UNC5D: variants seen among roughly 807,000 people sequenced by gnomAD.
UNC5D encodes the protein unc-5 netrin receptor D, also known as netrin receptor UNC5D.
Under a neutral mutation model 105.4 loss-of-function variants are expected in UNC5D, and 39 were observed. The observed-to-expected ratio is 0.37, with a 90% CI of 0.29 to 0.48. UNC5D has a LOEUF of 0.48. Among genes scored for constraint, UNC5D ranks in the 20% least tolerant of loss-of-function variants. The pLI is 0.98. For synonymous variants in UNC5D, 452 were observed against 450.4 expected (o/e 1.00, Z -0.04); for missense variants, 991 against 1,202.4 (o/e 0.82, Z 2.60).
intron 1 of UNC5D, among the ~76,000 whole-genome samples, chr8:35,484,698 T>C (rs1208974252): frequency 1.3e-5 from 2 of 152,154 alleles, no homozygotes; most frequent in African/African-American, 4.8e-5. Flanking sequence ...AAGACTCTCT[T>C]TGACTTAATA....
intron 11 of UNC5D, among the ~76,000 whole-genome samples, chr8:35,734,335 CAAAAAAAAAAAAA>C (rs10657691): frequency 1.4e-4 from 4 of 28,286 alleles, no homozygotes; most frequent in East Asian, 1.2e-3. Flanking sequence ...TAATCACTGT[CAAAAAAAAAAAAA>C]AAAAAAAAAA....
At chr8:35,682,042 G>A (rs905788058) in intron 4 of UNC5D, among the ~76,000 whole-genome samples, 3 of 152,150 alleles carry the variant, frequency 2.0e-5, no homozygotes, top group African/African-American at 7.2e-5. Context: ...TCAGCTCACT[G>A]TAACCTCTGC....
intron 16 of UNC5D, among the ~76,000 whole-genome samples, chr8:35,779,507 G>A (rs1444561911): frequency 6.6e-6 from 1 of 152,042 alleles, no homozygotes; most frequent in Non-Finnish European, 1.5e-5. Context: ...TGCCCACACT[G>A]GAGTGCAGTG....
intron 1 of UNC5D, among the ~76,000 whole-genome samples, chr8:35,527,061 G>A (rs562300113): frequency 1.5e-3 from 223 of 152,018 alleles, no homozygotes; most frequent in African/African-American, 5.1e-3. Flanking sequence ...AAAATGACAC[G>A]TATCGCTTGT....
chr8:35,400,523 A>G (rs1186743080), intron 1 of UNC5D, among the ~76,000 whole-genome samples: 6 of 152,152 alleles, frequency 3.9e-5, no homozygotes, highest in Admixed American at 3.9e-4. Flanking sequence ...TTATAGGTCT[A>G]AAAACAGATG....
intron 4 of UNC5D, among the ~76,000 whole-genome samples, chr8:35,611,091 T>C (rs1365268136): frequency 6.6e-6 from 1 of 152,106 alleles, no homozygotes; most frequent in Non-Finnish European, 1.5e-5. Context: ...TTTTGATTTC[T>C]GTTCTTCCTT....
chr8:35,453,654 A>G (rs1808308494), intron 1 of UNC5D, among the ~76,000 whole-genome samples: 2 of 152,162 alleles, frequency 1.3e-5, no homozygotes, highest in Non-Finnish European at 2.9e-5. Flanking sequence ...TTCTTCTCTA[A>G]TTGCTGTTTG....
intron 1 of UNC5D, among the ~76,000 whole-genome samples, chr8:35,397,180 A>G (rs968124706): frequency 6.6e-6 from 1 of 152,198 alleles, no homozygotes; most frequent in Admixed American, 6.5e-5. Context: ...TGCTGGGATT[A>G]CAGGTGTGAG....
chr8:35,467,589 A>AAAGAAG (rs5890814), intron 1 of UNC5D, among the ~76,000 whole-genome samples: 1 of 126,246 alleles, frequency 7.9e-6, no homozygotes, highest in African/African-American at 2.8e-5. Context: ...AAAAAAAAAA[A>AAAGAAG]AAGAAGAAAA....
At chr8:35,345,541 G>T (rs1230888919) in intron 1 of UNC5D, among the ~76,000 whole-genome samples, 1 of 151,842 alleles carries the variant, frequency 6.6e-6, no homozygotes, top group Non-Finnish European at 1.5e-5. Flanking sequence ...TTAAAAAGAG[G>T]GATTTCTTTT....
intron 1 of UNC5D, among the ~76,000 whole-genome samples, chr8:35,449,775 A>G (rs775196754): frequency 6.6e-6 from 1 of 152,072 alleles, no homozygotes; most frequent in South Asian, 2.1e-4. Context: ...TGCACATGGT[A>G]GTTGTGTAAT....
chr8:35,407,739 G>C (rs1804902000), intron 1 of UNC5D, among the ~76,000 whole-genome samples: 1 of 152,020 alleles, frequency 6.6e-6, no homozygotes, highest in Admixed American at 6.6e-5. Flanking sequence ...CCCTCTATGT[G>C]TCTATATATT....
At chr8:35,540,444 GGTGTGTGTGTGTGT>G (rs11467586) in intron 1 of UNC5D, among the ~76,000 whole-genome samples, 3 of 142,788 alleles carry the variant, frequency 2.1e-5, no homozygotes, top group Admixed American at 1.4e-4. Context: ...AAAGCAGAGG[GGTGTGTGTGTGTGT>G]GTGTGTGTGT....
chr8:35,598,338 T>C (rs1026118384), intron 4 of UNC5D, among the ~76,000 whole-genome samples: 47 of 152,312 alleles, frequency 3.1e-4, no homozygotes, highest in Non-Finnish European at 4.4e-4. Context: ...CATTGCTGTA[T>C]CCTCAGAACA....
intron 1 of UNC5D, among the ~76,000 whole-genome samples, chr8:35,435,099 T>C (rs1563415165): frequency 1.3e-5 from 2 of 152,122 alleles, no homozygotes; most frequent in Non-Finnish European, 2.9e-5. Context: ...GGTTCACTGA[T>C]AATTTGGAGT....
rs930418274 is a variant in UNC5D, at chr8:35,793,204, A to G, written c.*2641A>G. 6.6e-6 allele frequency: 3 copies of G among 451,560 alleles called. No individual in the cohort carries two copies. Among genetic ancestry groups the G allele is most frequent in the African/African-American group, 6.0e-5 (3 of 49,854 alleles). The allele number at this position is 451,560 out of a possible 1,614,324, so 28.0% of individuals were successfully genotyped here. On this transcript the variant is annotated 3_prime_UTR_variant, in exon 17 of 17. Transcript: ENST00000404895. ...TGTGGTCACTGCATGTCAGGATTGC[A>G]CAGTATGTTACAATACAATTTCAAA...
intron 1 of UNC5D, among the ~76,000 whole-genome samples, chr8:35,459,670 T>C (rs1808751763): frequency 6.6e-6 from 1 of 152,180 alleles, no homozygotes; most frequent in Non-Finnish European, 1.5e-5. Context: ...TTCATCAGAT[T>C]AGGTGAAGGA....
At chr8:35,705,211 G>A (rs191790088) in intron 7 of UNC5D, among the ~76,000 whole-genome samples, 81 of 152,176 alleles carry the variant, frequency 5.3e-4, no homozygotes, top group African/African-American at 1.1e-3. Flanking sequence ...TGATCCGCCC[G>A]CCTTGGCCTC....
intron 8 of UNC5D, among the ~76,000 whole-genome samples, chr8:35,717,061 T>C (rs1475091417): frequency 6.6e-6 from 1 of 152,206 alleles, no homozygotes; most frequent in Non-Finnish European, 1.5e-5. Context: ...CTTACCCTTC[T>C]CAGGATGTGC....
Sources: gnomAD v4.1 joint callset for allele counts (sites outside exome capture counted in the v4.1 genomes callset) on GRCh38, gnomAD v4.1.1 for gene constraint, MANE v1.5 for transcripts, NCBI Gene and HGNC (gene_info 2026-07-23, HGNC 2026-07-21) for gene names.